The following GABRA2 variants were observed in gnomAD, a reference collection of about 807,000 sequenced individuals.
GABRA2 encodes the protein gamma-aminobutyric acid receptor subunit alpha-2.
A neutral mutation model predicts 48.7 loss-of-function variants in GABRA2; 16 were observed. The observed-to-expected ratio is 0.33, with a 90% CI of 0.22 to 0.50. GABRA2 has a LOEUF of 0.50. Ranked by LOEUF, GABRA2 falls within the 20% of genes least tolerant of loss-of-function variation. The pLI, the probability that GABRA2 is intolerant of heterozygous loss-of-function variation, is 0.98. For missense variants in GABRA2, 275 were observed against 535.6 expected (o/e 0.51, Z 4.80); for synonymous variants, 185 against 184.5 (o/e 1.00, Z -0.02).
At chr4:46,279,569 T>C (rs535434869) in intron 8 of GABRA2, among the ~76,000 whole-genome samples, 1 of 152,256 alleles carries the variant, frequency 6.6e-6, no homozygotes, top group East Asian at 1.9e-4. Flanking sequence ...AACAGAGTCA[T>C]ATTGATATGT....
At chr4:46,306,172 T>C (rs1379389164) in intron 6 of GABRA2, among the ~76,000 whole-genome samples, 2 of 152,240 alleles carry the variant, frequency 1.3e-5, no homozygotes, top group Admixed American at 6.5e-5. Context: ...TTAGCTATCA[T>C]AATACAATGC....
At chr4:46,295,033 C>T (rs570584862) in intron 8 of GABRA2, among the ~76,000 whole-genome samples, 7 of 152,282 alleles carry the variant, frequency 4.6e-5, no homozygotes, top group South Asian at 4.1e-4. Flanking sequence ...CTCTCTGCAC[C>T]GATGGCCTCA....
chr4:46,385,118 T>G lies in GABRA2; in HGVS notation c.187+956A>C, dbSNP rs56322833. On this transcript the variant is annotated intron_variant, in intron 3 of 9. Transcript: ENST00000381620. ...ATATATATATATATATAAACAAAAC[T>G]TATATTTTTAAAAGAATTATTTGCA... Among the ~76,000 whole-genome samples the G allele has an allele frequency of 1.9e-3, 278 of 146,886 alleles. 1 individual carries two copies. The highest frequency in any genetic ancestry group is 6.7e-3 in the African/African-American group (269 of 40,448).
chr4:46,377,576 C>T (rs538075929), intron 3 of GABRA2, among the ~76,000 whole-genome samples: 54 of 151,966 alleles, frequency 3.6e-4, no homozygotes, highest in East Asian at 2.6e-3. Flanking sequence ...CGTCTCTGCC[C>T]GGCAGCCACC....
At chr4:46,320,379 G>C (rs1241460237) in intron 4 of GABRA2, among the ~76,000 whole-genome samples, 1 of 151,818 alleles carries the variant, frequency 6.6e-6, no homozygotes, top group Non-Finnish European at 1.5e-5. Flanking sequence ...TTGGCAATGA[G>C]TGTTTTGAAC....
intron 8 of GABRA2, among the ~76,000 whole-genome samples, chr4:46,291,121 A>G (rs1362870442): frequency 6.6e-6 from 1 of 152,200 alleles, no homozygotes; most frequent in East Asian, 1.9e-4. Context: ...TGTTCTTTAA[A>G]CTTCGATTTT....
At chr4:46,268,026 C>T (rs183646525) in intron 8 of GABRA2, among the ~76,000 whole-genome samples, 297 of 151,798 alleles carry the variant, frequency 2.0e-3, no homozygotes, top group African/African-American at 6.7e-3. Flanking sequence ...GATAGTCGAC[C>T]TGTACTACCA....
intron 3 of GABRA2, among the ~76,000 whole-genome samples, chr4:46,375,070 A>G (rs1425201212): frequency 6.6e-6 from 1 of 152,136 alleles, no homozygotes; most frequent in East Asian, 1.9e-4. Context: ...TATCAAATTA[A>G]GATTGCACCT....
chr4:46,377,159 C>T (rs1242436253), intron 3 of GABRA2, among the ~76,000 whole-genome samples: 6 of 152,036 alleles, frequency 3.9e-5, no homozygotes, highest in South Asian at 2.1e-4. Context: ...GCCGCCACCC[C>T]GTCTGGGAAG....
intron 8 of GABRA2, among the ~76,000 whole-genome samples, chr4:46,299,618 G>A (rs1577963318): frequency 2.7e-5 from 4 of 150,906 alleles, no homozygotes; most frequent in Admixed American, 2.0e-4. Context: ...AAAGAGGAAA[G>A]TACCAACAAA....
At chr4:46,321,697 T>C (rs533378169) in intron 4 of GABRA2, among the ~76,000 whole-genome samples, 111 of 151,992 alleles carry the variant, frequency 7.3e-4, no homozygotes, top group Non-Finnish European at 9.4e-4. Context: ...AGGACTCTTG[T>C]AAGGATGAAG....
intron 3 of GABRA2, among the ~76,000 whole-genome samples, chr4:46,378,656 TAA>T (rs5858024): frequency 6.2e-5 from 9 of 145,688 alleles, no homozygotes; most frequent in African/African-American, 1.3e-4. Flanking sequence ...AATGATCAAT[TAA>T]AAAAAAAAAA....
Position 46,250,300 on chromosome 4 carries a change from G to T in GABRA2, c.*8C>A, listed in dbSNP as rs1277678331. On this transcript the variant is annotated 3_prime_UTR_variant, in exon 10 of 10. Coordinates refer to ENST00000381620, the MANE Select transcript of GABRA2 (RefSeq NM_000807.4). ...GCTATACATCCCAAAGATAACATGGGTCTCAATTCAAGGACTGACCCCTAA... is the reference window on the plus strand; with the variant it reads ...GCTATACATCCCAAAGATAACATGGTTCTCAATTCAAGGACTGACCCCTAA... 1.9e-6 allele frequency: 3 copies of T among 1,602,386 alleles called. No individual in the cohort carries two copies. In the South Asian group the frequency reaches 3.3e-5, roughly 18 times the overall value.
Position 46,276,532 on chromosome 4 carries a change from A to T in GABRA2, c.857-14404T>A, listed in dbSNP as rs574753859. Reference sequence around the variant, plus strand: ...AAATTCACCTCAAGTTCTGATGGAGATTTAGTAATTCTGACTCTCAAACAG... The same window carrying T: ...AAATTCACCTCAAGTTCTGATGGAGTTTTAGTAATTCTGACTCTCAAACAG... On this transcript the variant is annotated intron_variant, in intron 8 of 9. Transcript: ENST00000381620. Among the ~76,000 whole-genome samples, 5 of 151,498 alleles carry T rather than the reference A, an allele frequency of 3.3e-5. No individual in the cohort carries two copies. The East Asian group carries it at 9.8e-4, about 30-fold the overall frequency.
intron 3 of GABRA2, among the ~76,000 whole-genome samples, chr4:46,357,739 C>A (rs1252681074): frequency 6.7e-6 from 1 of 149,432 alleles, no homozygotes; most frequent in South Asian, 2.1e-4. Context: ...CAGCTCACTG[C>A]AACCTCTGTC....
intron 6 of GABRA2, among the ~76,000 whole-genome samples, chr4:46,309,443 C>T (rs1431650995): frequency 5.3e-5 from 8 of 152,070 alleles, no homozygotes; most frequent in Non-Finnish European, 1.2e-4. Flanking sequence ...GGCAATAGGA[C>T]ACCCTCACAC....
chr4:46,283,798 C>T (rs1721992710), intron 8 of GABRA2, among the ~76,000 whole-genome samples: 1 of 152,204 alleles, frequency 6.6e-6, no homozygotes, highest in Non-Finnish European at 1.5e-5. Flanking sequence ...CTCACTCTGT[C>T]ACCCAGGCCG....
At chr4:46,386,861 C>A (rs1717532757) in intron 2 of GABRA2, 1 of 152,208 alleles carries the variant, frequency 6.6e-6, no homozygotes. Context: ...GAGCCTAGTT[C>A]TTCCTGATTG....
At chr4:46,258,817 A>G (rs370605954) in intron 9 of GABRA2, among the ~76,000 whole-genome samples, 3 of 151,860 alleles carry the variant, frequency 2.0e-5, no homozygotes, top group East Asian at 3.9e-4. Context: ...TAGGAAAATT[A>G]TTTTCAGATC....
Sources: allele counts gnomAD v4.1 joint callset (sites outside exome capture counted in the v4.1 genomes callset), GRCh38; gene constraint gnomAD v4.1.1; transcripts MANE v1.5; gene names NCBI Gene and HGNC (gene_info 2026-07-23, HGNC 2026-07-21).